GPC6: variants seen among roughly 807,000 people sequenced by gnomAD.
GPC6 encodes the protein glypican-6.
Under a neutral mutation model 55.2 loss-of-function variants are expected in GPC6, and 14 were observed. That is an observed-to-expected ratio of 0.25 (90% confidence interval 0.17 to 0.40). The LOEUF (loss-of-function observed/expected upper bound fraction) is 0.40. Among genes scored for constraint, GPC6 ranks in the 10% least tolerant of loss-of-function variants. The pLI is 1.00. For synonymous variants in GPC6, 278 were observed against 259.6 expected (o/e 1.07, Z -0.68); for missense variants, 641 against 708.5 (o/e 0.90, Z 1.08).
chr13:94,169,087 G>C (rs1438918479), intron 4 of GPC6, among the ~76,000 whole-genome samples: 1 of 152,212 alleles, frequency 6.6e-6, no homozygotes, highest in Non-Finnish European at 1.5e-5. Context: ...TTAAATTGTA[G>C]TTTTGTCTTT....
chr13:93,682,242 G>A (rs963631475), intron 2 of GPC6, among the ~76,000 whole-genome samples: 9 of 152,260 alleles, frequency 5.9e-5, no homozygotes, highest in Admixed American at 2.6e-4. Flanking sequence ...GCAACGCAAC[G>A]TCTCTAGGGA....
chr13:94,379,099 C>T (rs1423589947), intron 6 of GPC6, among the ~76,000 whole-genome samples: 1 of 152,080 alleles, frequency 6.6e-6, no homozygotes, highest in Non-Finnish European at 1.5e-5. Context: ...TCCGGAGCTA[C>T]AGCAGAGCAG....
chr13:93,958,251 G>A (rs1466377562), intron 3 of GPC6, among the ~76,000 whole-genome samples: 3 of 152,070 alleles, frequency 2.0e-5, no homozygotes, highest in Admixed American at 1.3e-4. Context: ...TGTTTTTGTT[G>A]CAATTGCTTT....
intron 3 of GPC6, among the ~76,000 whole-genome samples, chr13:93,992,810 G>C: frequency 6.6e-6 from 1 of 152,152 alleles, no homozygotes; most frequent in East Asian, 1.9e-4. Flanking sequence ...AAAGGACGGT[G>C]TATAGAAAAT....
chr13:93,969,423 A>G (rs1197436045), intron 3 of GPC6, among the ~76,000 whole-genome samples: 1 of 152,148 alleles, frequency 6.6e-6, no homozygotes. Context: ...GATGAAGTGT[A>G]TGCCAGGGAT....
intron 4 of GPC6, among the ~76,000 whole-genome samples, chr13:94,047,192 A>G (rs1883764630): frequency 6.6e-6 from 1 of 152,110 alleles, no homozygotes; most frequent in African/African-American, 2.4e-5. Flanking sequence ...GGATAGTAAA[A>G]TCAGGAAAAC....
chr13:94,282,756 A>C (rs1892421678), intron 4 of GPC6, among the ~76,000 whole-genome samples: 1 of 152,326 alleles, frequency 6.6e-6, no homozygotes, highest in Non-Finnish European at 1.5e-5. Context: ...TGCCCTCTCC[A>C]ACACTGTGAT....
chr13:94,390,499 G>A (rs1052934242), intron 7 of GPC6, among the ~76,000 whole-genome samples: 1 of 152,176 alleles, frequency 6.6e-6, no homozygotes, highest in Non-Finnish European at 1.5e-5. Flanking sequence ...ATGGTGGAAG[G>A]CGAAGGGAAA....
intron 4 of GPC6, among the ~76,000 whole-genome samples, chr13:94,033,892 T>C (rs1444788368): frequency 6.6e-6 from 1 of 152,212 alleles, no homozygotes; most frequent in Non-Finnish European, 1.5e-5. Flanking sequence ...TAATACAGTC[T>C]AGAAACGCAA....
At chr13:93,543,768 G>T (rs966773319) in intron 1 of GPC6, among the ~76,000 whole-genome samples, 1 of 152,104 alleles carries the variant, frequency 6.6e-6, no homozygotes, top group Admixed American at 6.6e-5. Flanking sequence ...ATTGTGCGTA[G>T]TGTTCCAGTA....
intron 4 of GPC6, among the ~76,000 whole-genome samples, chr13:94,041,183 G>T (rs1273625082): frequency 2.0e-5 from 3 of 151,754 alleles, no homozygotes; most frequent in African/African-American, 7.3e-5. Context: ...TGATAGCTTG[G>T]AAGCAAAATG....
intron 4 of GPC6, among the ~76,000 whole-genome samples, chr13:94,082,686 G>C (rs922230571): frequency 6.6e-5 from 10 of 152,128 alleles, no homozygotes; most frequent in Non-Finnish European, 1.3e-4. Context: ...TACACTCACT[G>C]ACTGTGTTGC....
intron 3 of GPC6, among the ~76,000 whole-genome samples, chr13:93,975,849 G>T (rs1229560235): frequency 6.6e-6 from 1 of 151,956 alleles, no homozygotes; most frequent in Non-Finnish European, 1.5e-5. Flanking sequence ...ATATAAATAT[G>T]GCCAGCTTTA....
chr13:93,379,696 AC>A, intron 1 of GPC6, among the ~76,000 whole-genome samples: 1 of 152,220 alleles, frequency 6.6e-6, no homozygotes, highest in Middle Eastern at 3.4e-3. Flanking sequence ...CATAAAGAAT[AC>A]CCAAATGGAT....
intron 3 of GPC6, among the ~76,000 whole-genome samples, chr13:93,890,443 G>C (rs891682866): frequency 6.6e-6 from 1 of 152,060 alleles, no homozygotes; most frequent in Non-Finnish European, 1.5e-5. Context: ...GTCGATGGAT[G>C]GGTGACTGGG....
At chr13:93,248,836 A>G (rs1876692468) in intron 1 of GPC6, among the ~76,000 whole-genome samples, 2 of 152,170 alleles carry the variant, frequency 1.3e-5, no homozygotes, top group Admixed American at 1.3e-4. Flanking sequence ...TTTTCAGCCC[A>G]TGAAAAGGAA....
chr13:94,069,155 A>T (rs1487922556), intron 4 of GPC6, among the ~76,000 whole-genome samples: 2 of 151,964 alleles, frequency 1.3e-5, no homozygotes, highest in African/African-American at 4.8e-5. Context: ...AAGTTCCCAA[A>T]CCCCCATTAT....
chr13:94,047,055 C>T (rs1883759662), intron 4 of GPC6, among the ~76,000 whole-genome samples: 1 of 152,132 alleles, frequency 6.6e-6, no homozygotes, highest in African/African-American at 2.4e-5. Context: ...TTGAATAGAA[C>T]GAATCATTGC....
At chr13:94,112,976 A>G (rs1052340877) in intron 4 of GPC6, among the ~76,000 whole-genome samples, 5 of 151,936 alleles carry the variant, frequency 3.3e-5, no homozygotes, top group Non-Finnish European at 1.5e-5. Context: ...AGTTACCCAC[A>G]CTCACAGAGG....
Sources: gnomAD v4.1 joint callset for allele counts (sites outside exome capture counted in the v4.1 genomes callset) on GRCh38, gnomAD v4.1.1 for gene constraint, MANE v1.5 for transcripts, NCBI Gene and HGNC (gene_info 2026-07-23, HGNC 2026-07-21) for gene names.